The following SMPD3 variants were observed in gnomAD, a reference collection of about 807,000 sequenced individuals.
SMPD3 encodes the protein sphingomyelin phosphodiesterase 3, also known as nSMase-2.
In SMPD3, 21 loss-of-function variants were observed where a neutral mutation model predicts 55.7. The observed-to-expected ratio is 0.38, with a 90% CI of 0.27 to 0.54. SMPD3 has a LOEUF of 0.54. Ranked by LOEUF, SMPD3 falls within the 20% of genes least tolerant of loss-of-function variation. The pLI is 0.80. For synonymous variants in SMPD3, 457 were observed against 404.3 expected (o/e 1.13, Z -1.56); for missense variants, 842 against 899.6 (o/e 0.94, Z 0.82).
chr16:68,430,172 G>T (rs1036948215), intron 1 of SMPD3, among the ~76,000 whole-genome samples: 35 of 152,170 alleles, frequency 2.3e-4, no homozygotes, highest in African/African-American at 8.2e-4. Flanking sequence ...AGCAGCAAAA[G>T]CTGCCCTCCC....
chr16:68,417,478 T>C (rs1183431631), intron 1 of SMPD3, among the ~76,000 whole-genome samples: 1 of 152,224 alleles, frequency 6.6e-6, no homozygotes, highest in Non-Finnish European at 1.5e-5. Context: ...GTTACTCTTT[T>C]ATTGCATTCA....
chr16:68,399,265 C>A (rs1333162608), intron 1 of SMPD3, among the ~76,000 whole-genome samples: 1 of 152,188 alleles, frequency 6.6e-6, no homozygotes, highest in African/African-American at 2.4e-5. Flanking sequence ...CACATGGGGA[C>A]TTCTGGCTTC....
At chr16:68,366,943 G>A (rs529401820) in intron 3 of SMPD3, among the ~76,000 whole-genome samples, 29 of 152,064 alleles carry the variant, frequency 1.9e-4, no homozygotes, top group Non-Finnish European at 2.9e-4. Context: ...TGGAGGCGGA[G>A]GTCACAGTGA....
chr16:68,369,743 A>C (rs1359293653), intron 3 of SMPD3: 1 of 152,224 alleles, frequency 6.6e-6, no homozygotes, highest in Non-Finnish European at 1.5e-5. Context: ...GAGCCACACA[A>C]GAGCCATGGA....
intron 1 of SMPD3, among the ~76,000 whole-genome samples, chr16:68,413,637 A>G (rs1157478004): frequency 6.6e-6 from 1 of 152,204 alleles, no homozygotes; most frequent in Non-Finnish European, 1.5e-5. Flanking sequence ...TAGTCATGAA[A>G]ACGTGGCAGT....
At chr16:68,410,785 A>G (rs551340330) in intron 1 of SMPD3, among the ~76,000 whole-genome samples, 10 of 152,370 alleles carry the variant, frequency 6.6e-5, no homozygotes, top group African/African-American at 2.4e-4. Flanking sequence ...GGCCAACTGA[A>G]GGGCACAATG....
Position 68,363,882 on chromosome 16 carries a change from G to T in SMPD3, c.1556-16C>A. The T allele has an allele frequency of 6.4e-7, 1 of 1,551,704 alleles. No individual in the cohort carries two copies. Among genetic ancestry groups the T allele is most frequent in the East Asian group, 2.4e-5 (1 of 41,654 alleles). ...AGCTTGTCGTCTGTGCGGGGAGGGA[G>T]GAAACGCTGAGGCACCAGGGGGCTT... On this transcript the variant is annotated splice_polypyrimidine_tract_variant and intron_variant, in intron 5 of 8. Transcript: ENST00000219334.
At chr16:68,384,305 C>G (rs190758122) in intron 2 of SMPD3, among the ~76,000 whole-genome samples, 2 of 152,330 alleles carry the variant, frequency 1.3e-5, no homozygotes, top group Admixed American at 1.3e-4. Context: ...AGAGAAGATC[C>G]CTTCATCAAA....
Position 68,440,798 on chromosome 16 carries a change from C to T in SMPD3, c.-269+7555G>A, listed in dbSNP as rs550057755. Among the ~76,000 whole-genome samples, 45 of 152,274 alleles carry T rather than the reference C, an allele frequency of 3.0e-4. 2 individuals are homozygous for T. The highest frequency in any genetic ancestry group is 1.6e-4 in the Non-Finnish European group (11 of 68,018). On this transcript the variant is annotated intron_variant, in intron 1 of 8. Transcript: ENST00000219334. ...CTCCCAGAGCACAAGGTTGTCATTC[C>T]CCTGATTCCCCTGAGGAATCTGGGA...
At chr16:68,363,071 T>C (rs1388556303) in intron 7 of SMPD3, among the ~76,000 whole-genome samples, 1 of 152,218 alleles carries the variant, frequency 6.6e-6, no homozygotes, top group Non-Finnish European at 1.5e-5. Context: ...GGCTGTGTTA[T>C]TGCAGCTGGT....
At chr16:68,440,150 G>A (rs2090555045) in intron 1 of SMPD3, among the ~76,000 whole-genome samples, 1 of 152,198 alleles carries the variant, frequency 6.6e-6, no homozygotes, top group Non-Finnish European at 1.5e-5. Context: ...TGACGCAGTA[G>A]AGTTGTAGAA....
chr16:68,414,672 C>G (rs890778974), intron 1 of SMPD3, among the ~76,000 whole-genome samples: 2 of 152,256 alleles, frequency 1.3e-5, no homozygotes, highest in African/African-American at 4.8e-5. Flanking sequence ...GCTCTTGGCT[C>G]TGGCCAACAG....
At chr16:68,413,405 G>C (rs912815276) in intron 1 of SMPD3, among the ~76,000 whole-genome samples, 14 of 152,252 alleles carry the variant, frequency 9.2e-5, no homozygotes, top group African/African-American at 3.4e-4. Flanking sequence ...CCATCATGAG[G>C]AAGGGACTGG....
chr16:68,372,055 A>C lies in SMPD3; in HGVS notation c.127T>G (p.Tyr43Asp). 6.2e-7 allele frequency: 1 copy of C among 1,608,592 alleles called. No individual in the cohort carries two copies. The highest frequency in any genetic ancestry group is 1.1e-5 in the South Asian group (1 of 90,090). ...TCGTCTGCCCGCTGGCGCTTCTCGT[A>C]GGTGGTGGGTATGAAGGAGGCAGCG... ...RLAASFIPTTYEKRQRADDPC... is the reference protein window; with the variant it reads ...RLAASFIPTTDEKRQRADDPC... Residue 43 changes from tyrosine (Y) to aspartate (D), a missense_variant, in exon 3 of 9, where the codon TAC (tyrosine) becomes GAC (aspartate). This residue lies in a region of SMPD3 where 193 missense variants were observed against 256.0 expected (regional missense o/e 0.75). Transcript: ENST00000219334.
Position 68,372,400 on chromosome 16 carries a change from A to C in SMPD3, c.-206-13T>G. The C allele has an allele frequency of 1.6e-6, 1 of 606,790 alleles. No homozygotes were observed. The allele number at this position is 606,790 out of a possible 1,614,324, so 37.6% of individuals were successfully genotyped here. ...CCTACTGCAGACCCTGCAGAGACAAAAGTAGGGGGACTGTTTTTAGTGATC... is the reference window on the plus strand; with the variant it reads ...CCTACTGCAGACCCTGCAGAGACAACAGTAGGGGGACTGTTTTTAGTGATC... On this transcript the variant is annotated splice_polypyrimidine_tract_variant and intron_variant, in intron 2 of 8. Coordinates refer to ENST00000219334, the MANE Select transcript of SMPD3 (RefSeq NM_018667.4).
chr16:68,365,954 C>T (rs1188971044), intron 3 of SMPD3, among the ~76,000 whole-genome samples: 2 of 152,208 alleles, frequency 1.3e-5, no homozygotes, highest in Non-Finnish European at 2.9e-5. Flanking sequence ...TGAGGGATGG[C>T]CACAGAGATG....
At chr16:68,380,180 C>T (rs964921838) in intron 2 of SMPD3, among the ~76,000 whole-genome samples, 2 of 152,264 alleles carry the variant, frequency 1.3e-5, no homozygotes, top group African/African-American at 4.8e-5. Flanking sequence ...CCACACCAGG[C>T]AGCACCTCCT....
At chr16:68,397,054 A>T (rs1198902867) in intron 1 of SMPD3, among the ~76,000 whole-genome samples, 2 of 152,184 alleles carry the variant, frequency 1.3e-5, no homozygotes. Flanking sequence ...CTCAGAGATG[A>T]AAACTGAGGC....
At chr16:68,376,441 G>A (rs2089817200) in intron 2 of SMPD3, among the ~76,000 whole-genome samples, 1 of 152,242 alleles carries the variant, frequency 6.6e-6, no homozygotes, top group Non-Finnish European at 1.5e-5. Context: ...GCCAAGTAGA[G>A]TCCACTGTGG....
Sources: allele counts gnomAD v4.1 joint callset (sites outside exome capture counted in the v4.1 genomes callset), GRCh38; gene constraint gnomAD v4.1.1; regional missense constraint gnomAD v4.1.1; transcripts MANE v1.5; gene names NCBI Gene and HGNC (gene_info 2026-07-23, HGNC 2026-07-21).